IGSF22: variants seen among roughly 807,000 people sequenced by gnomAD.
The protein encoded by IGSF22 is immunoglobulin superfamily, member 22.
A neutral mutation model predicts 127.0 loss-of-function variants in IGSF22; 119 were observed. The observed-to-expected ratio is 0.94, with a 90% CI of 0.81 to 1.09. The LOEUF is 1.09. IGSF22 is among the 50% of genes least tolerant of loss of function. The pLI is 0.00. For synonymous variants in IGSF22, 568 were observed against 664.7 expected, an observed-to-expected ratio of 0.85 and a Z score of 2.24; for missense variants, 1,518 against 1,716.6, an observed-to-expected ratio of 0.88 and a Z score of 2.04.
chr11:18,713,987 C>G lies in IGSF22; in HGVS notation c.1960G>C (p.Val654Leu). 1 of 1,614,270 alleles carries G rather than the reference C, an allele frequency of 6.2e-7. No individual in the cohort carries two copies. Among genetic ancestry groups the G allele is most frequent in the Non-Finnish European group, 8.5e-7 (1 of 1,180,050 alleles). The part of the protein sequence containing the change: ...DGMEVTEEER[V>L]SMERGEDQAL... The stretch of plus-strand genomic sequence containing the variant: ...TGGTCTTCCCCGCGCTCCATGGACA[C>G]GCGTTCCTCCTCCGTCACTTCCATG... The change falls in exon 14 of 23, where the codon GTG becomes CTG. Residue 654 changes from valine to leucine, a missense_variant. Physicochemically the swap from Val to Leu is conservative, Grantham distance 32. Transcript: ENST00000513874.
rs1427783605 is a variant in IGSF22 at position 18,707,062 on chromosome 11, C to T, written c.3432G>A (p.Thr1144=). ...TGTTGCTGAAGACACGCTCGGCTGC[C>T]GTGTACCAGGTGGCTGTGCTTGCAT... The part of the protein sequence containing the change: ...KRDASTATWY[T]AAERVFSNKY... The change falls in exon 21 of 23, where the codon ACG becomes ACA. Residue 1144 remains threonine, a synonymous_variant. Transcript: ENST00000513874. The T allele has an allele frequency of 2.4e-5, 37 of 1,551,622 alleles. No homozygotes were observed. The highest frequency in any genetic ancestry group is 2.8e-5 in the Non-Finnish European group (32 of 1,147,014).
Position 18,719,799 on chromosome 11 carries a change from T to C in IGSF22, c.613A>G (p.Lys205Glu). 1.2e-6 allele frequency: 2 copies of C among 1,614,192 alleles called. No individual in the cohort carries two copies. Among genetic ancestry groups the C allele is most frequent in the Non-Finnish European group, 1.7e-6 (2 of 1,180,036 alleles). The stretch of plus-strand genomic sequence containing the variant: ...GTGAAACCATACTCCATGCACACCT[T>C]CTCAAAGTCTTTCTTGGGCACTTTG... The part of the protein sequence containing the change: ...LSKVPKKDFE[K>E]VCMEYGFTDF... The change falls in exon 7 of 23, where the codon AAG becomes GAG. Residue 205 changes from lysine (K) to glutamate (E), a missense_variant. Coordinates refer to ENST00000513874, the MANE Select transcript of IGSF22 (RefSeq NM_173588.4).
chr11:18,707,762 G>T, intron 20 of IGSF22, 42 bp downstream of exon 20: 1 of 1,509,872 alleles, frequency 6.6e-7, no homozygotes, highest in Non-Finnish European at 9.0e-7. Flanking sequence ...TTTGGAGAGT[G>T]TACAGGGATG....
Position 18,716,694 on chromosome 11 carries a change from A to G in IGSF22, c.1246+34T>C. 6.2e-7 allele frequency: 1 copy of G among 1,603,770 alleles called. No homozygotes were observed. Among genetic ancestry groups the G allele is most frequent in the Non-Finnish European group, 8.5e-7 (1 of 1,171,998 alleles). On this transcript the variant is annotated intron_variant, in intron 10 of 22. Transcript: ENST00000513874. The surrounding 1 kb of genome is among the most constrained non-coding windows in gnomAD (Gnocchi z 4.5). ...CTGCATGGAGGTTGCTGTGCCATAAAGCCCACCCCTTAGGCTCTTGCCCAA... is the reference window on the plus strand; with the variant it reads ...CTGCATGGAGGTTGCTGTGCCATAAGGCCCACCCCTTAGGCTCTTGCCCAA...
chr11:18,706,382 C>T (rs1035330570), intron 21 of IGSF22, among the ~76,000 whole-genome samples: 41 of 151,684 alleles, frequency 2.7e-4, no homozygotes, highest in African/African-American at 9.2e-4. Context: ...CCAAACCACG[C>T]TTTCCCACAC....
At position 18,710,742 on chromosome 11, in the gene IGSF22, C is replaced by T. The variant is rs550168843; in HGVS notation, c.2485G>A (p.Gly829Arg). The change falls in exon 16 of 23, where the codon GGG becomes AGG. Residue 829 changes from glycine (G) to arginine (R), a missense_variant. Physicochemically the swap from Gly to Arg is moderately radical, Grantham distance 125. Coordinates refer to ENST00000513874, the MANE Select transcript of IGSF22 (RefSeq NM_173588.4). ...TITWNAPTQD[G>R]GAPVLGYIVE... ...ATGTAGCCGAGCACTGGGGCTCCCC[C>T]ATCCTGGGTAGGGGCATTCCACGTG... is the stretch of plus-strand genomic sequence containing the variant. The T allele has an allele frequency of 1.9e-6, 3 of 1,614,204 alleles. No individual in the cohort carries two copies. The highest frequency in any genetic ancestry group is 1.7e-6 in the Non-Finnish European group (2 of 1,180,008).
intron 15 of IGSF22, 38 bp from the exon 16 acceptor site, chr11:18,710,866 GA>G: frequency 6.4e-7 from 1 of 1,573,118 alleles, no homozygotes; most frequent in Non-Finnish European, 8.7e-7. Context: ...TTAGGAGGGG[GA>G]GCATGTAGAT....
At position 18,705,856 on chromosome 11, in the gene IGSF22, G is replaced by T; in HGVS notation, c.3871C>A (p.Leu1291Met). The part of the protein sequence containing the change: ...GDYSVLVENE[L>M]GKDRSSCTLT... ...GTGCAGCTGCTGCGGTCCTTGCCCA[G>T]CTCGTTCTCCACCAGCACGCTGTAA... Residue 1291 changes from leucine to methionine, a missense_variant, in exon 22 of 23, where the codon CTG becomes ATG. Leu to Met is a conservative substitution (Grantham distance 15). Transcript: ENST00000513874. 1.3e-6 allele frequency: 2 copies of T among 1,550,820 alleles called. No individual in the cohort carries two copies. The highest frequency in any genetic ancestry group is 1.7e-6 in the Non-Finnish European group (2 of 1,146,906).
intron 3 of IGSF22, 105 bp from the exon 4 acceptor site, chr11:18,721,776 C>T: frequency 6.3e-7 from 1 of 1,587,546 alleles, no homozygotes; most frequent in South Asian, 1.1e-5. Flanking sequence ...GGCCTGGCCC[C>T]GGGCAGGGGA....
In IGSF22 at chr11:18,709,601, C is replaced by T; in HGVS notation, c.2784G>A (p.Glu928=). ...GGATGTAGCCAGAGGGTGGGTCTCC[C>T]TCTGCAGGCTCCCGCCAGGCCAGGG... The part of the protein sequence containing the change: ...SISLAWREPA[E]GDPPSGYILE... Residue 928 remains glutamate, a synonymous_variant, in exon 18 of 23, where the codon GAG becomes GAA. Coordinates refer to ENST00000513874, the MANE Select transcript of IGSF22 (RefSeq NM_173588.4). This position sits in a 1 kb window ranked among gnomAD's most constrained non-coding sequence, Gnocchi z 4.8. The T allele has an allele frequency of 1.2e-6, 2 of 1,614,182 alleles. No homozygotes were observed. The highest frequency in any genetic ancestry group is 1.7e-6 in the Non-Finnish European group (2 of 1,180,036).
intron 22 of IGSF22, among the ~76,000 whole-genome samples, chr11:18,705,187 C>T (rs1848199883): frequency 1.3e-5 from 2 of 152,138 alleles, no homozygotes; most frequent in Admixed American, 6.5e-5. Flanking sequence ...GGGATTTTAC[C>T]ATGAGAGGAA....
intron 14 of IGSF22, 77 bp downstream of exon 14, chr11:18,713,775 C>T: frequency 1.1e-5 from 14 of 1,240,104 alleles, no homozygotes; most frequent in Non-Finnish European, 1.6e-5. Context: ...TGGCCTCCTA[C>T]TCAGCCTGCC....
At chr11:18,725,307 C>T (rs1241856947) in intron 1 of IGSF22, among the ~76,000 whole-genome samples, 1 of 151,998 alleles carries the variant, frequency 6.6e-6, no homozygotes, top group African/African-American at 2.4e-5. Context: ...TTTGTGTTTT[C>T]AGTAGAGACA....
chr11:18,711,118 A>G (rs1590440563), intron 15 of IGSF22, among the ~76,000 whole-genome samples: 1 of 148,258 alleles, frequency 6.7e-6, no homozygotes, highest in South Asian at 2.2e-4. Flanking sequence ...ATCAAGTGGG[A>G]AGTAAAAACA....
chr11:18,720,198 G>C lies in IGSF22; in HGVS notation c.466C>G (p.Leu156Val). The C allele has an allele frequency of 6.2e-7, 1 of 1,614,034 alleles. No individual in the cohort carries two copies. Among genetic ancestry groups the C allele is most frequent in the Non-Finnish European group, 8.5e-7 (1 of 1,179,876 alleles). ...GGGGCCAACTCACCTTCTGTTACCA[G>C]CAGAGATACGGTATAGATGGCATCT... ...HADAIYTVSLLVTEGQEKMDF... is the reference protein window; with the variant it reads ...HADAIYTVSLVVTEGQEKMDF... Residue 156 changes from leucine (L) to valine (V), a missense_variant, in exon 5 of 23, where the codon CTG becomes GTG. Coordinates refer to ENST00000513874, the MANE Select transcript of IGSF22 (RefSeq NM_173588.4).
rs1293751046 is a variant in IGSF22, at chr11:18,720,008, G to A, written c.518+56C>T. The stretch of plus-strand genomic sequence containing the variant: ...GGGCCTTGTTGAGAGGCCTTTGAGA[G>A]GCTTTGGCCTGGATGAGGAGACAAT... On this transcript the variant is annotated intron_variant, in intron 6 of 22. Transcript: ENST00000513874. 3.1e-6 allele frequency: 5 copies of A among 1,611,450 alleles called. No homozygotes were observed. In the African/African-American group the frequency reaches 6.7e-5, roughly 22 times the overall value.
intron 3 of IGSF22, 89 bp downstream of exon 3, chr11:18,721,821 T>C: frequency 2.5e-6 from 4 of 1,590,856 alleles, no homozygotes; most frequent in Admixed American, 1.7e-5. Context: ...GGGTTTAGCA[T>C]TGGAGGTCGT....
Position 18,707,046 on chromosome 11 carries a change from A to C in IGSF22, c.3448T>G (p.Phe1150Val). 6.5e-7 allele frequency: 1 copy of C among 1,543,820 alleles called. No individual in the cohort carries two copies. Among genetic ancestry groups the C allele is most frequent in the Non-Finnish European group, 8.8e-7 (1 of 1,140,488 alleles). The stretch of plus-strand genomic sequence containing the variant: ...CCCGTCACTGTGTACTTGTTGCTGA[A>C]GACACGCTCGGCTGCCGTGTACCAG... The part of the protein sequence containing the change: ...ATWYTAAERV[F>V]SNKYTVTGLL... The change falls in exon 21 of 23, where the codon TTC (phenylalanine) becomes GTC (valine). Residue 1150 changes from phenylalanine (F) to valine (V), a missense_variant. Physicochemically the swap from Phe to Val is conservative, Grantham distance 50. This residue lies in a region of IGSF22 where 1,456 missense variants were observed against 1,644.9 expected (regional missense o/e 0.89). Transcript: ENST00000513874.
At position 18,714,280 on chromosome 11, in the gene IGSF22, C is replaced by G; in HGVS notation, c.1795G>C (p.Ala599Pro). 6.2e-7 allele frequency: 1 copy of G among 1,612,452 alleles called. No homozygotes were observed. Among genetic ancestry groups the G allele is most frequent in the Non-Finnish European group, 8.5e-7 (1 of 1,179,262 alleles). ...CCTACCTTGGACAGATCCATACCTG[C>G]GATGAATACAGAGGCTTCACTTTCC... The part of the protein sequence containing the change: ...GTESEASVFI[A>P]DPPTIDPSVL... The change falls in exon 13 of 23, where the codon GCA becomes CCA. Residue 599 changes from alanine (A) to proline (P), a missense_variant. By Grantham distance (27) the Ala-to-Pro change is conservative. Coordinates refer to ENST00000513874, the MANE Select transcript of IGSF22 (RefSeq NM_173588.4).
Sources: allele counts gnomAD v4.1 joint callset (sites outside exome capture counted in the v4.1 genomes callset), GRCh38; gene constraint gnomAD v4.1.1; regional missense constraint gnomAD v4.1.1; non-coding constraint Gnocchi (gnomAD v3.1); transcripts MANE v1.5; gene names NCBI Gene and HGNC (gene_info 2026-07-23, HGNC 2026-07-21).